The following TECPR1 variants were observed in gnomAD, a reference collection of about 807,000 sequenced individuals.
The protein encoded by TECPR1 is tectonin beta-propeller repeat-containing protein 1.
TECPR1 carries 122 observed loss-of-function variants against 162.4 expected under a neutral mutation model. That is an observed-to-expected ratio of 0.75 (90% CI 0.65 to 0.87). The LOEUF (loss-of-function observed/expected upper bound fraction) is 0.87, where lower values mean the gene tolerates loss of function less well. Among genes scored for constraint, TECPR1 ranks in the 40% least tolerant of loss-of-function variants. The pLI is 0.00. For missense variants in TECPR1, 1,432 were observed against 1,618.2 expected, an observed-to-expected ratio of 0.88 and a Z score of 1.97; for synonymous variants, 642 against 670.6, an observed-to-expected ratio of 0.96 and a Z score of 0.66.
intron 5 of TECPR1, 101 bp from the exon 6 acceptor site, chr7:98,243,693 GC>G: frequency 7.0e-7 from 1 of 1,433,610 alleles, no homozygotes; most frequent in Non-Finnish European, 9.4e-7. Context: ...CCATTCTTCA[GC>G]CCAGCCTGCA....
chr7:98,234,705 C>CTTTTTTTTTTTTTTTTTTTTTTTT (rs34332931), intron 10 of TECPR1, among the ~76,000 whole-genome samples: 1 of 73,508 alleles, frequency 1.4e-5, no homozygotes, highest in Non-Finnish European at 2.5e-5. Flanking sequence ...TTGTTATTGT[C>CTTTTTTTTTTTTTTTTTTTTTTTT]TTTTTTTTTT....
chr7:98,218,226 G>T (rs1484619849), intron 23 of TECPR1, among the ~76,000 whole-genome samples, 184 bp from the exon 24 acceptor site: 1 of 152,212 alleles, frequency 6.6e-6, no homozygotes, highest in Non-Finnish European at 1.5e-5. Context: ...CCACACTCAG[G>T]AGCCTGGGCT....
chr7:98,244,596 T>C lies in TECPR1; in HGVS notation c.506A>G (p.Tyr169Cys). 1 of 1,611,756 alleles carries C rather than the reference T, an allele frequency of 6.2e-7. No homozygotes were observed. Among genetic ancestry groups the C allele is most frequent in the Non-Finnish European group, 8.5e-7 (1 of 1,178,684 alleles). Residue 169 changes from tyrosine (Y) to cysteine (C), a missense_variant, in exon 5 of 26, where the codon TAC becomes TGC. Tyr to Cys is a radical substitution (Grantham distance 194, BLOSUM62 -2). Transcript: ENST00000447648. ...CTTGGCCCAGATGTCCCGGGACTTG[T>C]ATCTCCTGTACCGGATCCACTTCCG... ...RRRKWIRYRRYKSRDIWAKIP... is the reference protein window; with the variant it reads ...RRRKWIRYRRCKSRDIWAKIP...
chr7:98,222,360 A>C (rs753266298), intron 22 of TECPR1, 26 bp downstream of exon 22: 1 of 1,602,724 alleles, frequency 6.2e-7, no homozygotes, highest in Non-Finnish European at 8.5e-7. Context: ...TGAACACTGC[A>C]GGGGCTCCTG....
chr7:98,245,414 G>A (rs1798879679), intron 3 of TECPR1, among the ~76,000 whole-genome samples: 1 of 152,214 alleles, frequency 6.6e-6, no homozygotes, highest in Admixed American at 6.5e-5. Flanking sequence ...CTTTGGTGAG[G>A]ACACAATAGT....
At chr7:98,240,734 A>G in intron 8 of TECPR1, 117 bp downstream of exon 8, 1 of 871,242 alleles carries the variant, frequency 1.1e-6, no homozygotes, top group Non-Finnish European at 1.7e-6. Context: ...CTTTTTTTTT[A>G]ATTTGAGACA....
At chr7:98,245,260 G>T (rs1278475954) in intron 3 of TECPR1, among the ~76,000 whole-genome samples, 193 bp from the exon 4 acceptor site, 1 of 152,228 alleles carries the variant, frequency 6.6e-6, no homozygotes, top group East Asian at 1.9e-4. Context: ...TCATGAGCCA[G>T]CAAGTACATC....
Position 98,232,998 on chromosome 7 carries a change from C to G in TECPR1, c.1673-26G>C, listed in dbSNP as rs1480292595. On this transcript the variant is annotated intron_variant, in intron 11 of 25. Coordinates refer to ENST00000447648, the MANE Select transcript of TECPR1 (RefSeq NM_015395.3). This position sits in a 1 kb window ranked among gnomAD's most constrained non-coding sequence, Gnocchi z 4.6. ...CTGTGGGGCAGAGAGAGCCTCAGGG[C>G]CGGGGCACTGTCCTGCCCGCAGCTG... 12 of 1,591,314 alleles carry G rather than the reference C, an allele frequency of 7.5e-6. No homozygotes were observed. In the South Asian group the frequency reaches 1.1e-4, roughly 15 times the overall value.
intron 17 of TECPR1, among the ~76,000 whole-genome samples, 188 bp downstream of exon 17, chr7:98,227,821 CAAAAA>C (rs61468739): frequency 9.7e-6 from 1 of 102,598 alleles, no homozygotes. Context: ...GACCCTGTAT[CAAAAA>C]AAAAAAAAAA....
chr7:98,225,004 AC>A lies in TECPR1; in HGVS notation c.2610+1del. 6.5e-7 allele frequency: 1 copy of A among 1,545,704 alleles called. No individual in the cohort carries two copies. The highest frequency in any genetic ancestry group is 8.7e-7 in the Non-Finnish European group (1 of 1,146,230). ...ACCCCCCAGGGGGCAGCGGGACCTC[AC>A]CCAGGCCCACTGCAGGGACGGGGGC... On this transcript the variant is annotated splice_donor_variant, in intron 18 of 25. Transcript: ENST00000447648. LOFTEE classifies it high-confidence loss of function.
At chr7:98,237,299 G>A (rs1486595033) in intron 9 of TECPR1, among the ~76,000 whole-genome samples, 1 of 152,028 alleles carries the variant, frequency 6.6e-6, no homozygotes, top group Non-Finnish European at 1.5e-5. Context: ...TGTTGTCTTT[G>A]TTTTTTGTTG....
intron 8 of TECPR1, among the ~76,000 whole-genome samples, chr7:98,239,298 C>T (rs1014239970): frequency 2.0e-5 from 3 of 152,232 alleles, no homozygotes; most frequent in Non-Finnish European, 4.4e-5. Context: ...CACCTGTAAT[C>T]CCAACACTTT....
In TECPR1 at chr7:98,231,796, G is replaced by A. The variant is rs760840677; in HGVS notation, c.1974+8C>T. 11 of 1,608,862 alleles carry A rather than the reference G, an allele frequency of 6.8e-6. No individual in the cohort carries two copies. Among genetic ancestry groups the A allele is most frequent in the Admixed American group, 1.7e-5 (1 of 59,840 alleles). On this transcript the variant is annotated splice_region_variant and intron_variant, in intron 13 of 25. Coordinates refer to ENST00000447648, the MANE Select transcript of TECPR1 (RefSeq NM_015395.3). ...CCTGGCCCCATCTCCTGTGGGACCCGTGGGCACCTTCTTCTCCTCGTGGAC... is the reference window on the plus strand; with the variant it reads ...CCTGGCCCCATCTCCTGTGGGACCCATGGGCACCTTCTTCTCCTCGTGGAC...
intron 14 of TECPR1, 27 bp downstream of exon 14, chr7:98,231,197 G>A (rs542494743): frequency 1.6e-5 from 25 of 1,609,660 alleles, no homozygotes; most frequent in Admixed American, 1.0e-4. Flanking sequence ...CCCTCCCCCC[G>A]GCCCGAGGGG....
chr7:98,231,409 C>T (rs1381485917), intron 13 of TECPR1, 36 bp from the exon 14 acceptor site: 1 of 1,562,412 alleles, frequency 6.4e-7, no homozygotes, highest in Non-Finnish European at 8.7e-7. Context: ...GGGCTGTCAC[C>T]CAGGGCAGGA....
chr7:98,230,423 C>G (rs1201175484), intron 15 of TECPR1, among the ~76,000 whole-genome samples: 1 of 152,068 alleles, frequency 6.6e-6, no homozygotes, highest in Non-Finnish European at 1.5e-5. Flanking sequence ...CAGTCTCCAC[C>G]AGCATTTCCC....
rs781716434 is a variant in TECPR1, at chr7:98,223,777, C to G, written c.2691-59G>C. On this transcript the variant is annotated intron_variant, in intron 19 of 25. Coordinates refer to ENST00000447648, the MANE Select transcript of TECPR1 (RefSeq NM_015395.3). ...TTCGTGGAAGTTTCTGGAAAGGGAC[C>G]GTGCATGTAAACATTCTTGTTCTAC... 2.5e-6 allele frequency: 4 copies of G among 1,570,368 alleles called. No individual in the cohort carries two copies. In the Admixed American group the frequency reaches 6.7e-5, roughly 26 times the overall value.
chr7:98,232,837 G>A lies in TECPR1; in HGVS notation c.1808C>T (p.Ala603Val), dbSNP rs1359867447. ...CACCGGGGCACCCACCTGCTCCACGGCCTGCTCGTAGTGTCTGAAGTTCTC... is the reference window on the plus strand; with the variant it reads ...CACCGGGGCACCCACCTGCTCCACGACCTGCTCGTAGTGTCTGAAGTTCTC... The part of the protein sequence containing the change: ...ELENFRHYEQ[A>V]VEQSVWVKTG... The change falls in exon 12 of 26, where the codon GCC becomes GTC. Residue 603 changes from alanine (A) to valine (V), a missense_variant. By Grantham distance (64) the Ala-to-Val change is moderately conservative. Coordinates refer to ENST00000447648, the MANE Select transcript of TECPR1 (RefSeq NM_015395.3). This position sits in a 1 kb window ranked among gnomAD's most constrained non-coding sequence, Gnocchi z 4.6. 1 of 1,599,880 alleles carries A rather than the reference G, an allele frequency of 6.3e-7. No homozygotes were observed. The highest frequency in any genetic ancestry group is 8.5e-7 in the Non-Finnish European group (1 of 1,174,468).
chr7:98,223,274 G>T (rs11762703), intron 20 of TECPR1, 104 bp from the exon 21 acceptor site: 213,856 of 1,245,556 alleles, frequency 0.17, 20,128 homozygotes, highest in Admixed American at 0.29. Context: ...CAACCCCGGG[G>T]CGGGTAGAAA....
Sources: gnomAD v4.1 joint callset for allele counts (sites outside exome capture counted in the v4.1 genomes callset) on GRCh38, gnomAD v4.1.1 for gene constraint, Gnocchi (gnomAD v3.1) non-coding constraint, MANE v1.5 for transcripts, NCBI Gene and HGNC (gene_info 2026-07-23, HGNC 2026-07-21) for gene names.